GULP1: variants seen among roughly 807,000 people sequenced by gnomAD.
GULP1 encodes GULP PTB domain containing engulfment adaptor 1, also known as PTB domain-containing engulfment adapter protein 1.
In GULP1, 19 loss-of-function variants were observed where a neutral mutation model predicts 40.9. The ratio of observed to expected loss-of-function variants is 0.46; its 90% CI spans 0.32 to 0.68. The LOEUF (loss-of-function observed/expected upper bound fraction) is 0.68, where lower values mean the gene tolerates loss of function less well. Ranked by LOEUF, GULP1 falls within the 30% of genes least tolerant of loss-of-function variation. The pLI, the probability that GULP1 is intolerant of heterozygous loss-of-function variation, is 0.03. For synonymous variants in GULP1, 119 were observed against 117.6 expected (o/e 1.01, Z -0.08); for missense variants, 312 against 362.2 (o/e 0.86, Z 1.12).
chr2:188,292,894 C>G lies in GULP1; in HGVS notation c.-172+728C>G, dbSNP rs2034093292. The G allele has an allele frequency of 1.3e-5, 2 of 152,670 alleles. 1 individual carries two copies. The highest frequency in any genetic ancestry group is 4.1e-4 in the South Asian group (2 of 4,834). The allele number at this position is 152,670 out of a possible 1,614,324, so 9.5% of individuals were successfully genotyped here. A position where few individuals can be genotyped will look rare whatever the true frequency, so the allele number is the denominator to read the frequency against. On this transcript the variant is annotated intron_variant, in intron 1 of 11. Transcript: ENST00000409830. This position sits in a 1 kb window ranked among gnomAD's most constrained non-coding sequence, Gnocchi z 4.0. ...GGGTTCTCGCTCCGACTGCTAAATTCGCTTGGCCGGGTCCACCTTCTCGTG... is the reference window on the plus strand; with the variant it reads ...GGGTTCTCGCTCCGACTGCTAAATTGGCTTGGCCGGGTCCACCTTCTCGTG...
intron 4 of GULP1, among the ~76,000 whole-genome samples, chr2:188,503,408 G>T (rs2063613993): frequency 6.6e-6 from 1 of 151,676 alleles, no homozygotes; most frequent in Admixed American, 6.6e-5. Context: ...TTCTTCAGAA[G>T]GTGGCAGGAG....
At chr2:188,508,088 C>A (rs1309113469) in intron 4 of GULP1, among the ~76,000 whole-genome samples, 1 of 151,666 alleles carries the variant, frequency 6.6e-6, no homozygotes, top group Admixed American at 6.6e-5. Flanking sequence ...TTTAAAAGGG[C>A]AGCTGAAAAA....
intron 7 of GULP1, among the ~76,000 whole-genome samples, chr2:188,550,985 A>G (rs1314382501): frequency 1.3e-5 from 2 of 151,506 alleles, no homozygotes; most frequent in South Asian, 2.1e-4. Flanking sequence ...CCCTGAGTTT[A>G]AAAACTCTGA....
intron 6 of GULP1, among the ~76,000 whole-genome samples, chr2:188,529,870 G>A (rs560815134): frequency 1.2e-4 from 18 of 152,182 alleles, no homozygotes; most frequent in Non-Finnish European, 1.5e-4. Context: ...TCTCCTGTTT[G>A]AAGAAAAACT....
intron 1 of GULP1, among the ~76,000 whole-genome samples, chr2:188,350,459 A>G (rs529841873): frequency 6.6e-6 from 1 of 152,136 alleles, no homozygotes; most frequent in South Asian, 2.1e-4. Flanking sequence ...TTATAAATGG[A>G]ATGGTTTCCT....
At chr2:188,447,056 G>T (rs1184553577) in intron 2 of GULP1, among the ~76,000 whole-genome samples, 1 of 152,080 alleles carries the variant, frequency 6.6e-6, no homozygotes, top group African/African-American at 2.4e-5. Context: ...TACATTGGTT[G>T]TCCCACCAGA....
intron 2 of GULP1, among the ~76,000 whole-genome samples, chr2:188,398,274 G>A (rs1166620186): frequency 6.6e-6 from 1 of 152,218 alleles, no homozygotes; most frequent in African/African-American, 2.4e-5. Flanking sequence ...CGAACTATGA[G>A]AGAATAAATT....
intron 1 of GULP1, among the ~76,000 whole-genome samples, chr2:188,380,174 A>G (rs905842140): frequency 1.3e-5 from 2 of 152,168 alleles, no homozygotes; most frequent in African/African-American, 4.8e-5. Flanking sequence ...TGAGATGACT[A>G]GAATACATAG....
chr2:188,394,254 G>T (rs1158241422), intron 2 of GULP1, among the ~76,000 whole-genome samples: 1 of 151,424 alleles, frequency 6.6e-6, no homozygotes, highest in Non-Finnish European at 1.5e-5. Context: ...TGTCTGATTG[G>T]GTTAATTCAA....
intron 4 of GULP1, among the ~76,000 whole-genome samples, chr2:188,520,233 A>G (rs1478599119): frequency 6.6e-6 from 1 of 152,118 alleles, no homozygotes; most frequent in African/African-American, 2.4e-5. Context: ...GTATATTTCA[A>G]GCATATTAAA....
rs556279435 is a variant in GULP1, at chr2:188,377,695, A to C, written c.-171-6068A>C. ...TCTTAGTTATGTAAATGGCACAATA[A>C]AAATCGAGAATAGGAAATTTATCAA... is the stretch of plus-strand genomic sequence containing the variant. On this transcript the variant is annotated intron_variant, in intron 1 of 11. Coordinates refer to ENST00000409830, the MANE Select transcript of GULP1 (RefSeq NM_016315.4). 8.5e-5 allele frequency among the ~76,000 whole-genome samples: 13 copies of C among 152,350 alleles called. No individual in the cohort carries two copies. The South Asian group carries it at 2.3e-3, about 27-fold the overall frequency.
chr2:188,446,571 A>G lies in GULP1; in HGVS notation c.-44-31088A>G, dbSNP rs1033778123. 3.3e-5 allele frequency among the ~76,000 whole-genome samples: 5 copies of G among 152,140 alleles called. No homozygotes were observed. The East Asian group carries it at 7.7e-4, about 23-fold the overall frequency. On this transcript the variant is annotated intron_variant, in intron 2 of 11. Transcript: ENST00000409830. ...TGGGTTTTTGTATTTGGATTCTGCT[A>G]TTCTGACTGGATTTAGGTTACTGGA...
intron 1 of GULP1, among the ~76,000 whole-genome samples, chr2:188,302,885 T>G (rs951297957): frequency 6.6e-5 from 10 of 152,198 alleles, no homozygotes; most frequent in Admixed American, 6.5e-4. Flanking sequence ...TGACTAGTAA[T>G]TTTTCTTCCA....
At chr2:188,465,471 G>A (rs535827930) in intron 2 of GULP1, among the ~76,000 whole-genome samples, 38 of 152,094 alleles carry the variant, frequency 2.5e-4, no homozygotes, top group African/African-American at 9.2e-4. Context: ...TGCAGCCTGA[G>A]GTTAGTGGAA....
chr2:188,491,445 G>C (rs1026126447), intron 4 of GULP1: 27 of 152,004 alleles, frequency 1.8e-4, no homozygotes, highest in African/African-American at 6.3e-4. Context: ...GAGAACGTAG[G>C]AGAAATGAGA....
At chr2:188,345,968 A>G (rs2043593857) in intron 1 of GULP1, among the ~76,000 whole-genome samples, 1 of 152,220 alleles carries the variant, frequency 6.6e-6, no homozygotes, top group African/African-American at 2.4e-5. Flanking sequence ...TTTGGAATTT[A>G]TAGTTTAATG....
intron 4 of GULP1, among the ~76,000 whole-genome samples, chr2:188,508,620 CGTCT>C (rs149583599): frequency 0.021 from 3,170 of 152,034 alleles, 104 homozygotes; most frequent in African/African-American, 0.073. Context: ...CCTGTCTTCC[CGTCT>C]GTCATTTAGT....
intron 1 of GULP1, among the ~76,000 whole-genome samples, chr2:188,306,009 C>T (rs1381609599): frequency 6.6e-6 from 1 of 152,150 alleles, no homozygotes; most frequent in Non-Finnish European, 1.5e-5. Context: ...AATTCCTGAC[C>T]TCAAGTGATC....
chr2:188,382,984 G>A (rs1053382746), intron 1 of GULP1, among the ~76,000 whole-genome samples: 6 of 152,140 alleles, frequency 3.9e-5, no homozygotes, highest in African/African-American at 1.4e-4. Context: ...TCTGTATCAA[G>A]GGGTTTGTAT....
Sources: allele counts gnomAD v4.1 joint callset (sites outside exome capture counted in the v4.1 genomes callset), GRCh38; gene constraint gnomAD v4.1.1; non-coding constraint Gnocchi (gnomAD v3.1); transcripts MANE v1.5; gene names NCBI Gene and HGNC (gene_info 2026-07-23, HGNC 2026-07-21).